NUP205: variants seen among roughly 807,000 people sequenced by gnomAD.
NUP205 encodes the protein nuclear pore complex protein Nup205.
NUP205 carries 76 observed loss-of-function variants against 253.8 expected under a neutral mutation model. That is an observed-to-expected ratio of 0.30 (90% CI 0.25 to 0.36). The LOEUF (loss-of-function observed/expected upper bound fraction) is 0.36. Ranked by LOEUF, NUP205 falls within the 10% of genes least tolerant of loss-of-function variation. NUP205 has a pLI of 1.00. For synonymous variants in NUP205, 832 were observed against 850.1 expected (o/e 0.98, Z 0.37); for missense variants, 2,162 against 2,425.5 (o/e 0.89, Z 2.28).
rs751511599 is a variant in NUP205, at chr7:135,617,136, G to A, written c.3579G>A (p.Gln1193=). The change falls in exon 26 of 43, where the codon CAG becomes CAA. Residue 1193 remains glutamine (Q), a synonymous_variant. Transcript: ENST00000285968. ...TTCTTGACTCGATTGACTTCAGTCAGGAGATCCCTGAGCCTTTGCAGTTGG... is the reference window on the plus strand; with the variant it reads ...TTCTTGACTCGATTGACTTCAGTCAAGAGATCCCTGAGCCTTTGCAGTTGG... ...LNILDSIDFS[Q]EIPEPLQLDF... is the part of the protein sequence containing the mutation. 44 of 1,613,504 alleles carry A rather than the reference G, an allele frequency of 2.7e-5. No homozygotes were observed. Among genetic ancestry groups the A allele is most frequent in the Non-Finnish European group, 3.4e-6 (4 of 1,179,708 alleles).
At chr7:135,641,297 G>C (rs1248754524) in intron 38 of NUP205, among the ~76,000 whole-genome samples, 1 of 152,154 alleles carries the variant, frequency 6.6e-6, no homozygotes, top group Non-Finnish European at 1.5e-5. Context: ...GTTATCTGGG[G>C]ACCAGGATAC....
chr7:135,562,544 CCT>C (rs1491432776), intron 1 of NUP205, among the ~76,000 whole-genome samples: 1 of 90,416 alleles, frequency 1.1e-5, no homozygotes, highest in East Asian at 2.8e-4. Flanking sequence ...AGACCAAAAT[CCT>C]TTTTTTTTTT....
At chr7:135,580,330 G>A (rs889323192) in intron 7 of NUP205, among the ~76,000 whole-genome samples, 10 of 152,114 alleles carry the variant, frequency 6.6e-5, no homozygotes, top group Non-Finnish European at 1.2e-4. Flanking sequence ...TGCTGATAGC[G>A]AATTAGACTT....
chr7:135,612,648 C>A (rs766233558), intron 22 of NUP205, among the ~76,000 whole-genome samples: 10 of 152,122 alleles, frequency 6.6e-5, no homozygotes, highest in Admixed American at 1.3e-4. Context: ...CATGAGAGTT[C>A]GGTGACTGCA....
At position 135,625,072 on chromosome 7, in the gene NUP205, A is replaced by G. The variant is rs896296688; in HGVS notation, c.4480-92A>G. The G allele has an allele frequency of 7.0e-6, 7 of 998,508 alleles. No homozygotes were observed. In the African/African-American group the frequency reaches 1.0e-4, roughly 14 times the overall value. The allele number at this position is 998,508 out of a possible 1,614,324, so 61.9% of individuals were successfully genotyped here. On this transcript the variant is annotated intron_variant, in intron 31 of 42. Transcript: ENST00000285968. ...ATTCTCTTTATGAAAAACATTCTTCATATTTCATATCTGATGTCAGATAAA... is the reference window on the plus strand; with the variant it reads ...ATTCTCTTTATGAAAAACATTCTTCGTATTTCATATCTGATGTCAGATAAA...
Position 135,633,754 on chromosome 7 carries a change from C to T in NUP205, c.5060-1827C>T, listed in dbSNP as rs192842635. ...CACTGAACCCGGCCCCATTTTTGTC[C>T]ATTTGAACTGATAAGACTTGATAAA... On this transcript the variant is annotated intron_variant, in intron 35 of 42. Transcript: ENST00000285968. 9.2e-5 allele frequency among the ~76,000 whole-genome samples: 14 copies of T among 152,252 alleles called. No homozygotes were observed. In the East Asian group the frequency reaches 2.5e-3, roughly 27 times the overall value.
chr7:135,631,016 A>G (rs1382813682), intron 35 of NUP205, among the ~76,000 whole-genome samples: 2 of 152,044 alleles, frequency 1.3e-5, no homozygotes, highest in Admixed American at 1.3e-4. Flanking sequence ...CACCACCTAG[A>G]AATTACCAAA....
chr7:135,575,119 C>T (rs548150375), intron 3 of NUP205, among the ~76,000 whole-genome samples: 5 of 152,298 alleles, frequency 3.3e-5, no homozygotes, highest in South Asian at 2.1e-4. Flanking sequence ...TAAATACGCT[C>T]ATATTCTAAT....
rs1281264258 is a variant in NUP205 at position 135,634,680 on chromosome 7, T to C, written c.5060-901T>C. 3.0e-4 allele frequency among the ~76,000 whole-genome samples: 45 copies of C among 152,076 alleles called. 1 individual carries two copies. Among genetic ancestry groups the C allele is most frequent in the Admixed American group, 2.9e-3 (45 of 15,266 alleles). ...AGTATGTTAGAAGAGAAAGCGATCC[T>C]GGGAGGAGACTCTCAGAGGAGTTGA... On this transcript the variant is annotated intron_variant, in intron 35 of 42. Transcript: ENST00000285968.
intron 10 of NUP205, among the ~76,000 whole-genome samples, 185 bp from the exon 11 acceptor site, chr7:135,591,265 T>A (rs558616280): frequency 8.2e-4 from 125 of 152,348 alleles, no homozygotes; most frequent in Non-Finnish European, 8.2e-4. Context: ...ATTTTATAAT[T>A]GCATTAAATT....
intron 35 of NUP205, among the ~76,000 whole-genome samples, chr7:135,633,643 A>G (rs1305498769): frequency 1.3e-5 from 2 of 152,024 alleles, no homozygotes. Flanking sequence ...AGGTCTCACT[A>G]TGTTGCCCAG....
chr7:135,566,309 A>G (rs1329472969), intron 1 of NUP205, among the ~76,000 whole-genome samples: 1 of 151,944 alleles, frequency 6.6e-6, no homozygotes, highest in African/African-American at 2.4e-5. Context: ...GAGTTTCATC[A>G]TGTTGGCCAG....
intron 1 of NUP205, among the ~76,000 whole-genome samples, chr7:135,561,728 G>A (rs1805584305): frequency 6.6e-6 from 1 of 152,076 alleles, no homozygotes; most frequent in South Asian, 2.1e-4. Flanking sequence ...CCCACCCATT[G>A]TGTTCTTCAC....
At chr7:135,645,098 A>C in intron 40 of NUP205, 80 bp downstream of exon 40, 1 of 1,527,028 alleles carries the variant, frequency 6.5e-7, no homozygotes, top group East Asian at 2.3e-5. Context: ...TTATTTGGGC[A>C]CCAAAACCAG....
chr7:135,617,233 G>A lies in NUP205; in HGVS notation c.3676G>A (p.Val1226Ile), dbSNP rs776788224. Residue 1226 changes from valine (V) to isoleucine (I), a missense_variant, in exon 26 of 43, where the codon GTC (valine) becomes ATC (isoleucine). Val to Ile is a conservative substitution (Grantham distance 29). Transcript: ENST00000285968. ...CEHKNLRGQT[V>I]CNVKLLHRVL... Reference sequence around the variant, plus strand: ...ACACAAGAATTTACGGGGACAGACAGTCTGCAATGTCAAGGTGAGGATTGC... The same window carrying A: ...ACACAAGAATTTACGGGGACAGACAATCTGCAATGTCAAGGTGAGGATTGC... The A allele has an allele frequency of 6.2e-7, 1 of 1,613,568 alleles. No individual in the cohort carries two copies. Among genetic ancestry groups the A allele is most frequent in the Non-Finnish European group, 8.5e-7 (1 of 1,179,722 alleles).
intron 35 of NUP205, among the ~76,000 whole-genome samples, chr7:135,633,712 G>A (rs10241857): frequency 0.31 from 47,856 of 152,024 alleles, 7,927 homozygotes; most frequent in Middle Eastern, 0.48. Context: ...CAAAGTGTTG[G>A]GATTACAGGC....
chr7:135,598,639 T>C (rs984662009), intron 15 of NUP205, among the ~76,000 whole-genome samples: 1 of 152,228 alleles, frequency 6.6e-6, no homozygotes, highest in Non-Finnish European at 1.5e-5. Flanking sequence ...TTGTAATCCA[T>C]TAGGCATGTC....
chr7:135,647,394 C>CTA, intron 42 of NUP205, among the ~76,000 whole-genome samples: 1 of 152,368 alleles, frequency 6.6e-6, no homozygotes, highest in South Asian at 2.1e-4. Context: ...CCAATCCAGA[C>CTA]TACATTCGCC....
At chr7:135,621,346 G>A (rs554932990) in intron 30 of NUP205, among the ~76,000 whole-genome samples, 1 of 142,898 alleles carries the variant, frequency 7.0e-6, no homozygotes, top group African/African-American at 2.6e-5. Context: ...GATAGTAATG[G>A]GATTTCTCCA....
Sources: allele counts gnomAD v4.1 joint callset (sites outside exome capture counted in the v4.1 genomes callset), GRCh38; gene constraint gnomAD v4.1.1; transcripts MANE v1.5; gene names NCBI Gene and HGNC (gene_info 2026-07-23, HGNC 2026-07-21).